The following LARP7 variants were observed in gnomAD, a reference collection of about 807,000 sequenced individuals.
LARP7 encodes La ribonucleoprotein 7, transcriptional regulator.
LARP7 carries 52 observed loss-of-function variants against 69.3 expected under a neutral mutation model. The observed-to-expected ratio is 0.75, with a 90% CI of 0.60 to 0.95. The LOEUF (loss-of-function observed/expected upper bound fraction) is 0.95, where lower values mean the gene tolerates loss of function less well. Among genes scored for constraint, LARP7 ranks in the 40% least tolerant of loss-of-function variants. The pLI is 0.00. For synonymous variants in LARP7, 254 were observed against 215.9 expected (o/e 1.18, Z -1.55); for missense variants, 733 against 673.0 (o/e 1.09, Z -0.99).
intron 1 of LARP7, among the ~76,000 whole-genome samples, chr4:112,639,436 T>C (rs2047868006): frequency 6.6e-6 from 1 of 152,144 alleles, no homozygotes; most frequent in South Asian, 2.1e-4. Flanking sequence ...CTCACCTTGT[T>C]AGCCAGGATG....
At chr4:112,641,201 CATG>C (rs1192010844) in intron 1 of LARP7, among the ~76,000 whole-genome samples, 1 of 152,046 alleles carries the variant, frequency 6.6e-6, no homozygotes, top group African/African-American at 2.4e-5. Context: ...AGGTGGCCAA[CATG>C]ATGAAACCCC....
chr4:112,656,692 C>G (rs1261965437), intron 12 of LARP7, among the ~76,000 whole-genome samples: 1 of 152,180 alleles, frequency 6.6e-6, no homozygotes, highest in Non-Finnish European at 1.5e-5. Flanking sequence ...AATTTGTGAA[C>G]AGCAGCATGG....
intron 2 of LARP7, 92 bp from the exon 3 acceptor site, chr4:112,646,259 C>T (rs193207449): frequency 6.0e-5 from 38 of 632,318 alleles, no homozygotes; most frequent in Middle Eastern, 4.9e-4. Flanking sequence ...CATGAGCCAC[C>T]GAGCCTGAGG....
intron 12 of LARP7, among the ~76,000 whole-genome samples, chr4:112,656,428 C>G (rs1417136609): frequency 1.3e-5 from 2 of 151,998 alleles, no homozygotes; most frequent in Non-Finnish European, 2.9e-5. Flanking sequence ...ATATATTAAA[C>G]ACAAGTAAAT....
chr4:112,650,433 G>C (rs1416265960), intron 9 of LARP7, 28 bp from the exon 10 acceptor site: 31 of 1,612,350 alleles, frequency 1.9e-5, no homozygotes, highest in Non-Finnish European at 2.3e-5. Flanking sequence ...AAGAGATTTA[G>C]TCCTGGTCTT....
Position 112,646,859 on chromosome 4 carries a change from T to A in LARP7, c.456T>A (p.Val152=), listed in dbSNP as rs373737501. The change falls in exon 5 of 13, where the codon GTT becomes GTA. Residue 152 remains valine, a synonymous_variant. Coordinates refer to ENST00000344442, the MANE Select transcript of LARP7 (RefSeq NM_016648.4). ...TATTTGGGAAATGTGGCAATGTTGT[T>A]TATATAAGTATACCACATTATAAGT... ...ERVFGKCGNV[V]YISIPHYKST... 1 of 1,607,490 alleles carries A rather than the reference T, an allele frequency of 6.2e-7. No individual in the cohort carries two copies. The highest frequency in any genetic ancestry group is 8.5e-7 in the Non-Finnish European group (1 of 1,178,260).
intron 1 of LARP7, chr4:112,637,504 C>G (rs1435500900): frequency 6.6e-6 from 1 of 152,312 alleles, no homozygotes; most frequent in Non-Finnish European, 1.5e-5. Context: ...ATGACGGCGT[C>G]CTTGCGGAAG....
Position 112,653,086 on chromosome 4 carries a change from G to T in LARP7, c.1426G>T (p.Ala476Ser). 1 of 1,584,054 alleles carries T rather than the reference G, an allele frequency of 6.3e-7. No homozygotes were observed. Among genetic ancestry groups the T allele is most frequent in the Non-Finnish European group, 8.5e-7 (1 of 1,170,918 alleles). Residue 476 changes from alanine (A) to serine (S), a missense_variant, in exon 11 of 13, where the codon GCA (alanine) becomes TCA (serine). By Grantham distance (99) the Ala-to-Ser change is moderately conservative. Coordinates refer to ENST00000344442, the MANE Select transcript of LARP7 (RefSeq NM_016648.4). ...PGRKQVRDTL[A>S]AISEVLYVDL... ...CTTAACTCTAATGCAGGATACTTTG[G>T]CAGCAATCTCAGAAGTTCTTTATGT...
Position 112,646,633 on chromosome 4 carries a change from GAAAGACCA to G in LARP7, c.352_359del (p.Arg118GlyfsTer2). The G allele has an allele frequency of 6.2e-7, 1 of 1,604,866 alleles. No individual in the cohort carries two copies. ...AATCCGGAGGAAAAAACCTCTGGGG[GAAAGACCA>G]AAGGATGAGGATGAACGCACAGTGT... On this transcript the variant is annotated frameshift_variant, in exon 4 of 13. Coordinates refer to ENST00000344442, the MANE Select transcript of LARP7 (RefSeq NM_016648.4). LOFTEE classifies it high-confidence loss of function.
chr4:112,648,365 T>C (rs775941393), intron 8 of LARP7: 1 of 534,374 alleles, frequency 1.9e-6, no homozygotes, highest in East Asian at 5.5e-5. Context: ...TGGAGACACC[T>C]CCACTGAAAC....
intron 10 of LARP7, among the ~76,000 whole-genome samples, chr4:112,651,905 A>C (rs1341975419): frequency 6.6e-6 from 1 of 152,146 alleles, no homozygotes; most frequent in Admixed American, 6.5e-5. Context: ...AAATTTCAAC[A>C]ATACTGAGTT....
intron 12 of LARP7, 56 bp downstream of exon 12, chr4:112,654,215 A>G: frequency 3.2e-6 from 4 of 1,235,332 alleles, no homozygotes; most frequent in Non-Finnish European, 2.4e-6. Flanking sequence ...GTTTAATGCC[A>G]AAGTCAGTAC....
intron 1 of LARP7, among the ~76,000 whole-genome samples, chr4:112,639,447 G>A (rs2047868942): frequency 6.6e-6 from 1 of 151,842 alleles, no homozygotes; most frequent in African/African-American, 2.4e-5. Context: ...AGCCAGGATG[G>A]TCTCCATCTC....
chr4:112,653,276 T>A, intron 11 of LARP7, 40 bp downstream of exon 11: 1 of 1,483,510 alleles, frequency 6.7e-7, no homozygotes, highest in Non-Finnish European at 9.0e-7. Context: ...TTTGTTATCA[T>A]CCTTATTGTG....
chr4:112,653,286 G>T, intron 11 of LARP7, 50 bp downstream of exon 11: 1 of 1,416,618 alleles, frequency 7.1e-7, no homozygotes, highest in South Asian at 1.5e-5. Context: ...TCCTTATTGT[G>T]AGTAATATAT....
intron 4 of LARP7, 54 bp from the exon 5 acceptor site, chr4:112,646,737 T>G: frequency 6.4e-7 from 1 of 1,552,036 alleles, no homozygotes; most frequent in Non-Finnish European, 8.7e-7. Flanking sequence ...AAGTTAAAAA[T>G]TTATTGACAT....
At chr4:112,648,078 C>T (rs772091925) in intron 8 of LARP7, 1 of 614,576 alleles carries the variant, frequency 1.6e-6, no homozygotes. Context: ...GAGGGGGCCC[C>T]TTAACAGATG....
rs1384562480 is a variant in LARP7, at chr4:112,647,410, C to G, written c.858C>G (p.Ser286Arg). Residue 286 changes from serine to arginine, a missense_variant, in exon 7 of 13, where the codon AGC becomes AGG. Transcript: ENST00000344442. ...KKKRDRVEAS[S>R]LPEVRTGKRK... ...AACGGGACAGAGTTGAAGCATCTAG[C>G]TTACCTGAAGTCAGAACAGGGAAGA... The G allele has an allele frequency of 6.2e-7, 1 of 1,613,888 alleles. No individual in the cohort carries two copies. The highest frequency in any genetic ancestry group is 8.5e-7 in the Non-Finnish European group (1 of 1,180,002).
chr4:112,646,985 A>T, intron 5 of LARP7, 30 bp downstream of exon 5: 1 of 1,551,880 alleles, frequency 6.4e-7, no homozygotes, highest in Non-Finnish European at 8.6e-7. Context: ...AAAAAAAAAG[A>T]AAGAAAAGAA....
Sources: gnomAD v4.1 joint callset for allele counts (sites outside exome capture counted in the v4.1 genomes callset) on GRCh38, gnomAD v4.1.1 for gene constraint, MANE v1.5 for transcripts, NCBI Gene and HGNC (gene_info 2026-07-23, HGNC 2026-07-21) for gene names.